OPRM1: variants seen among roughly 807,000 people sequenced by gnomAD.
OPRM1 encodes opioid receptor mu 1.
Under a neutral mutation model 31.8 loss-of-function variants are expected in OPRM1, and 27 were observed. The observed-to-expected ratio is 0.85, with a 90% CI of 0.63 to 1.17. The LOEUF is 1.17. Ranked by LOEUF, OPRM1 falls within the 50% of genes most tolerant of loss-of-function variation. The pLI is 0.00. For synonymous variants in OPRM1, 196 were observed against 189.9 expected (o/e 1.03, Z -0.26); for missense variants, 536 against 511.1 (o/e 1.05, Z -0.47).
At chr6:154,223,063 T>A in intron 3 of OPRM1, 1 of 869,712 alleles carries the variant, frequency 1.1e-6, no homozygotes, top group Non-Finnish European at 1.9e-6. Context: ...TTCTCAGACA[T>A]TCCGATGTTA....
intron 3 of OPRM1, chr6:154,160,137 T>A: frequency 1.1e-6 from 1 of 906,080 alleles, no homozygotes. Context: ...CACATATACA[T>A]AAAATTACCA....
In OPRM1 at chr6:154,233,484, G is replaced by A. The variant is rs139905001; in HGVS notation, c.1165-13209G>A. On this transcript the variant is annotated intron_variant, in intron 3 of 3. Transcript: ENST00000337049. ...ATGAATATAACTAGATTTAGATCCAGAGAGACTTTTTTCTTACAAACACCT... is the reference window on the plus strand; with the variant it reads ...ATGAATATAACTAGATTTAGATCCAAAGAGACTTTTTTCTTACAAACACCT... 1.2e-3 allele frequency among the ~76,000 whole-genome samples: 183 copies of A among 152,262 alleles called. 3 individuals are homozygous for A. In the East Asian group the frequency reaches 0.03, roughly 25 times the overall value.
At position 154,089,974 on chromosome 6, in the gene OPRM1, T is replaced by C. The variant is rs779192575; in HGVS notation, c.439T>C (p.Ser147Pro). The part of the protein sequence containing the change: ...FGTILCKIVI[S>P]IDYYNMFTSI... The stretch of plus-strand genomic sequence containing the variant: ...AACCATCCTTTGCAAGATAGTGATC[T>C]CCATAGATTACTATAACATGTTCAC... The change falls in exon 2 of 4, where the codon TCC (serine) becomes CCC (proline). Residue 147 changes from serine (S) to proline (P), a missense_variant. Ser to Pro is a moderately conservative substitution (Grantham distance 74, BLOSUM62 -1). Transcript: ENST00000330432. 2 of 1,614,138 alleles carry C rather than the reference T, an allele frequency of 1.2e-6. No homozygotes were observed. Among genetic ancestry groups the C allele is most frequent in the South Asian group, 1.1e-5 (1 of 91,082 alleles).
chr6:154,180,405 TA>T lies in OPRM1; in HGVS notation c.1165-66287del, dbSNP rs1562526650. On this transcript the variant is annotated intron_variant, in intron 3 of 3. Transcript: ENST00000337049. Reference sequence around the variant, plus strand: ...CAACAACTATATATATATATATATATATATATATATTTTTTTTTTAAACATG... The same window carrying T: ...CAACAACTATATATATATATATATATTATATATATTTTTTTTTTAAACATG... Among the ~76,000 whole-genome samples, 161 of 41,988 alleles carry T rather than the reference TA, an allele frequency of 3.8e-3. 1 individual carries two copies. The highest frequency in any genetic ancestry group is 0.011 in the African/African-American group (154 of 13,718). The allele number at this position is 41,988 out of a possible 152,430, so 27.5% of individuals were successfully genotyped here.
intron 1 of OPRM1, among the ~76,000 whole-genome samples, chr6:154,022,003 T>C (rs1778404297): frequency 6.6e-6 from 1 of 152,200 alleles, no homozygotes; most frequent in Admixed American, 6.5e-5. Context: ...ATAAATATGA[T>C]AAATATGATG....
intron 1 of OPRM1, among the ~76,000 whole-genome samples, chr6:154,070,703 A>G (rs2128452527): frequency 6.6e-6 from 1 of 152,370 alleles, no homozygotes; most frequent in South Asian, 2.1e-4. Context: ...TCAGATTTAT[A>G]TATCCTAATT....
At chr6:154,062,194 A>G (rs1016246755) in intron 1 of OPRM1, among the ~76,000 whole-genome samples, 1 of 152,198 alleles carries the variant, frequency 6.6e-6, no homozygotes, top group African/African-American at 2.4e-5. Flanking sequence ...AATCATATGA[A>G]AACAAGTAAA....
chr6:154,142,495 G>A (rs529646037), intron 3 of OPRM1, among the ~76,000 whole-genome samples: 16 of 152,204 alleles, frequency 1.1e-4, no homozygotes, highest in Non-Finnish European at 1.8e-4. Flanking sequence ...GTCGCCCTGG[G>A]ATTATAGGCC....
intron 3 of OPRM1, among the ~76,000 whole-genome samples, chr6:154,236,917 T>C (rs980589737): frequency 6.6e-6 from 1 of 152,218 alleles, no homozygotes; most frequent in Non-Finnish European, 1.5e-5. Context: ...TCCTTGCATC[T>C]TTTTTAAAGA....
chr6:154,087,048 A>G (rs991998562), intron 1 of OPRM1: 97 of 983,700 alleles, frequency 9.9e-5, no homozygotes, highest in Non-Finnish European at 1.1e-4. Context: ...ACTAAAAGCA[A>G]ATTATTTTCT....
At chr6:154,109,709 T>C (rs1418319153) in intron 3 of OPRM1, among the ~76,000 whole-genome samples, 3 of 151,904 alleles carry the variant, frequency 2.0e-5, no homozygotes, top group Non-Finnish European at 4.4e-5. Flanking sequence ...ATTTTGGTCA[T>C]GGGGACTGAT....
chr6:154,237,159 A>G (rs1185087426), intron 3 of OPRM1, among the ~76,000 whole-genome samples: 5 of 152,220 alleles, frequency 3.3e-5, no homozygotes, highest in Non-Finnish European at 5.9e-5. Flanking sequence ...TAAATCTTCA[A>G]ATAAAGACTT....
chr6:154,198,309 G>A (rs539073897), intron 3 of OPRM1, among the ~76,000 whole-genome samples: 1 of 152,246 alleles, frequency 6.6e-6, no homozygotes, highest in South Asian at 2.1e-4. Context: ...AAACCTGAGG[G>A]CGGGTTGAGA....
rs536529946 is a variant in OPRM1 at position 154,158,310 on chromosome 6, T to C, written c.1164+66838T>C. ...ACTTGGTGGGTTGTGGTTATTCCTA[T>C]GGTGAGAAATATTCATGGTGATTAG... On this transcript the variant is annotated intron_variant, in intron 3 of 3. Coordinates refer to the OPRM1 transcript ENST00000337049. 2.9e-4 allele frequency: 44 copies of C among 152,312 alleles called. 1 individual carries two copies. Among genetic ancestry groups the C allele is most frequent in the African/African-American group, 1.1e-3 (44 of 41,562 alleles). The allele number at this position is 152,312 out of a possible 1,614,324, so 9.4% of individuals were successfully genotyped here.
intron 1 of OPRM1, among the ~76,000 whole-genome samples, chr6:154,072,170 T>C (rs759879740): frequency 5.9e-5 from 9 of 152,198 alleles, no homozygotes; most frequent in Non-Finnish European, 1.2e-4. Flanking sequence ...GGTTTATTCT[T>C]ATTGGAGGGA....
intron 3 of OPRM1, among the ~76,000 whole-genome samples, chr6:154,224,798 G>A (rs1382860801): frequency 1.3e-5 from 2 of 152,086 alleles, no homozygotes; most frequent in Non-Finnish European, 2.9e-5. Flanking sequence ...GCATATGTGT[G>A]TTTATACAGA....
intron 3 of OPRM1, among the ~76,000 whole-genome samples, chr6:154,103,554 A>G (rs1024633468): frequency 6.6e-6 from 1 of 152,224 alleles, no homozygotes; most frequent in African/African-American, 2.4e-5. Context: ...AGGTAGGTTT[A>G]TAAACTTTTT....
intron 3 of OPRM1, chr6:154,155,189 G>C (rs142582953): frequency 6.6e-6 from 1 of 152,230 alleles, no homozygotes; most frequent in Non-Finnish European, 1.5e-5. Flanking sequence ...GAGACGAGTG[G>C]CTTTCTGTGA....
At chr6:154,067,941 C>T (rs1481509167) in intron 1 of OPRM1, among the ~76,000 whole-genome samples, 4 of 152,024 alleles carry the variant, frequency 2.6e-5, no homozygotes, top group African/African-American at 9.7e-5. Flanking sequence ...ATTATTTTTG[C>T]AATAATACTA....
Sources: gnomAD v4.1 joint callset for allele counts (sites outside exome capture counted in the v4.1 genomes callset) on GRCh38, gnomAD v4.1.1 for gene constraint, MANE v1.5 for transcripts, NCBI Gene and HGNC (gene_info 2026-07-23, HGNC 2026-07-21) for gene names.